Variants in SQOR observed in about 807,000 individuals in gnomAD.
SQOR encodes the protein sulfide:quinone oxidoreductase, mitochondrial.
Under a neutral mutation model 48.6 loss-of-function variants are expected in SQOR, and 39 were observed. The observed-to-expected ratio is 0.80, with a 90% CI of 0.62 to 1.05. The LOEUF is 1.05. Ranked by LOEUF, SQOR falls within the 50% of genes least tolerant of loss-of-function variation. The probability of loss-of-function intolerance (pLI) is 0.00; values close to 1 mark genes in which losing one functional copy is unlikely to be tolerated. For missense variants in SQOR, 561 were observed against 559.9 expected (o/e 1.00, Z -0.02); for synonymous variants, 220 against 206.2 (o/e 1.07, Z -0.57).
At chr15:45,658,798 C>A in intron 1 of SQOR, 109 bp from the exon 2 acceptor site, 1 of 849,378 alleles carries the variant, frequency 1.2e-6, no homozygotes, top group Non-Finnish European at 1.7e-6. Context: ...ATGATGGGGA[C>A]CAGCTGGAGC....
At chr15:45,654,777 C>T (rs375097296) in intron 1 of SQOR, among the ~76,000 whole-genome samples, 11 of 152,082 alleles carry the variant, frequency 7.2e-5, no homozygotes, top group Admixed American at 2.0e-4. Flanking sequence ...AGTGGAAAGA[C>T]GTGGCCGGTG....
intron 3 of SQOR, among the ~76,000 whole-genome samples, chr15:45,668,235 C>T (rs1320549710): frequency 6.6e-6 from 1 of 152,164 alleles, no homozygotes; most frequent in African/African-American, 2.4e-5. Context: ...TGAGCCACTG[C>T]ACTGGCCAAG....
chr15:45,659,923 T>C (rs1480998772), intron 2 of SQOR, among the ~76,000 whole-genome samples: 2 of 152,174 alleles, frequency 1.3e-5, no homozygotes, highest in African/African-American at 4.8e-5. Flanking sequence ...TGCACTTGCC[T>C]ATCTGTTCCT....
chr15:45,650,179 G>A (rs572970842), intron 1 of SQOR, among the ~76,000 whole-genome samples: 11 of 152,102 alleles, frequency 7.2e-5, no homozygotes, highest in African/African-American at 1.2e-4. Context: ...TGGCTCTGTC[G>A]CCCAGGCTAG....
In SQOR at chr15:45,688,315, GACT is replaced by G; in HGVS notation, c.1049-21_1049-19del. The G allele has an allele frequency of 6.4e-7, 1 of 1,561,766 alleles. No individual in the cohort carries two copies. ...AAAACCTTGATGCTTACATTTTTCT[GACT>G]TTCCCATTTCTCTTATAGCTGCCCA... is the stretch of plus-strand genomic sequence containing the variant. On this transcript the variant is annotated intron_variant, in intron 7 of 9. Transcript: ENST00000260324.
chr15:45,634,908 C>G (rs1894969410), upstream of SQOR: 1 of 152,452 alleles, frequency 6.6e-6, no homozygotes, highest in Non-Finnish European at 1.5e-5. Context: ...TGTTCACTGA[C>G]CATGGTGCCT....
intron 8 of SQOR, 110 bp from the exon 9 acceptor site, chr15:45,688,929 C>T: frequency 1.1e-6 from 1 of 912,446 alleles, no homozygotes; most frequent in Non-Finnish European, 1.6e-6. Context: ...CTAGAATATA[C>T]AGAAAAGAAA....
At chr15:45,666,198 GCTTC>G (rs1889813623) in intron 3 of SQOR, among the ~76,000 whole-genome samples, 1 of 152,108 alleles carries the variant, frequency 6.6e-6, no homozygotes, top group Non-Finnish European at 1.5e-5. Context: ...CTCATCTTTA[GCTTC>G]GATATGACTC....
intron 6 of SQOR, among the ~76,000 whole-genome samples, chr15:45,680,821 TA>T (rs1890113755): frequency 6.6e-6 from 1 of 152,178 alleles, no homozygotes; most frequent in African/African-American, 2.4e-5. Flanking sequence ...GCTTTTCTTT[TA>T]GAAAAGAGTT....
At chr15:45,655,611 A>G (rs1402768293) in intron 1 of SQOR, among the ~76,000 whole-genome samples, 1 of 152,056 alleles carries the variant, frequency 6.6e-6, no homozygotes, top group African/African-American at 2.4e-5. Flanking sequence ...CATTAAAACC[A>G]TTGCTAATAT....
At chr15:45,658,283 C>T (rs16946621) in intron 1 of SQOR, among the ~76,000 whole-genome samples, 23,169 of 152,024 alleles carry the variant, frequency 0.15, 2,527 homozygotes, top group African/African-American at 0.3. Flanking sequence ...ACTTGTGTGT[C>T]GGTAGCCAGT....
At chr15:45,674,158 T>C (rs55881391) in intron 5 of SQOR, 4,855 of 232,020 alleles carry the variant, frequency 0.021, 249 homozygotes, top group African/African-American at 0.11. Flanking sequence ...TACTGGATGC[T>C]GGGTGTGGTG....
chr15:45,632,408 G>A (rs747043413), upstream of SQOR, among the ~76,000 whole-genome samples: 12 of 151,906 alleles, frequency 7.9e-5, no homozygotes, highest in Non-Finnish European at 1.6e-4. Context: ...TTTTAGTAGA[G>A]ACGGGGTTTC....
chr15:45,666,198 G>C (rs1889813522), intron 3 of SQOR, among the ~76,000 whole-genome samples: 2 of 152,108 alleles, frequency 1.3e-5, no homozygotes, highest in Admixed American at 1.3e-4. Flanking sequence ...CTCATCTTTA[G>C]CTTCGATATG....
intron 5 of SQOR, among the ~76,000 whole-genome samples, chr15:45,674,455 A>G (rs537214512): frequency 2.3e-4 from 35 of 152,008 alleles, no homozygotes; most frequent in African/African-American, 8.5e-4. Flanking sequence ...AAAAAAAAAA[A>G]GTCTACTGGA....
At chr15:45,645,648 T>C (rs1209899660) in intron 1 of SQOR, among the ~76,000 whole-genome samples, 1 of 152,200 alleles carries the variant, frequency 6.6e-6, no homozygotes, top group Non-Finnish European at 1.5e-5. Flanking sequence ...AACTGAAACA[T>C]GGCTTGTCCT....
intron 1 of SQOR, among the ~76,000 whole-genome samples, chr15:45,655,622 T>G (rs894520340): frequency 2.6e-5 from 4 of 152,042 alleles, no homozygotes; most frequent in Non-Finnish European, 4.4e-5. Context: ...TTGCTAATAT[T>G]TAGGTATCAG....
chr15:45,643,737 GCA>G (rs1030053293), intron 1 of SQOR, among the ~76,000 whole-genome samples: 3 of 152,130 alleles, frequency 2.0e-5, no homozygotes, highest in Non-Finnish European at 2.9e-5. Context: ...ACCTGAATTT[GCA>G]CATAGACTTA....
intron 1 of SQOR, among the ~76,000 whole-genome samples, chr15:45,649,718 G>A (rs1250379263): frequency 6.6e-6 from 1 of 152,004 alleles, no homozygotes; most frequent in Non-Finnish European, 1.5e-5. Context: ...CCTGGCCTGA[G>A]GTGATCTACC....
Sources: gnomAD v4.1 joint callset for allele counts (sites outside exome capture counted in the v4.1 genomes callset) on GRCh38, gnomAD v4.1.1 for gene constraint, MANE v1.5 for transcripts, NCBI Gene and HGNC (gene_info 2026-07-23, HGNC 2026-07-21) for gene names.